KLF12: variants seen among roughly 807,000 people sequenced by gnomAD.
The protein encoded by KLF12 is Krueppel-like factor 12.
In KLF12, 9 loss-of-function variants were observed where a neutral mutation model predicts 37.8. The ratio of observed to expected loss-of-function variants is 0.24; its 90% confidence interval spans 0.14 to 0.42. The LOEUF (loss-of-function observed/expected upper bound fraction) is 0.42, where lower values mean the gene tolerates loss of function less well. Ranked by LOEUF, KLF12 falls within the 10% of genes least tolerant of loss-of-function variation. The pLI is 1.00. For missense variants in KLF12, 411 were observed against 516.0 expected (o/e 0.80, Z 1.97); for synonymous variants, 208 against 202.1 (o/e 1.03, Z -0.25).
At chr13:74,112,850 A>G (rs1280731932) in intron 1 of KLF12, among the ~76,000 whole-genome samples, 1 of 152,254 alleles carries the variant, frequency 6.6e-6, no homozygotes, top group East Asian at 1.9e-4. Flanking sequence ...GCAGGATGAA[A>G]GCAGACAGAC....
At chr13:73,881,357 G>A (rs751715043) in intron 3 of KLF12, among the ~76,000 whole-genome samples, 1 of 151,980 alleles carries the variant, frequency 6.6e-6, no homozygotes, top group Non-Finnish European at 1.5e-5. Flanking sequence ...CTTTAGCAAG[G>A]TATGTTTTTT....
At chr13:74,120,241 G>T (rs759481308) in intron 1 of KLF12, among the ~76,000 whole-genome samples, 1 of 152,204 alleles carries the variant, frequency 6.6e-6, no homozygotes, top group African/African-American at 2.4e-5. Context: ...CAGCACTTTG[G>T]GAGGCCAAGG....
intron 3 of KLF12, among the ~76,000 whole-genome samples, chr13:73,911,764 A>C (rs1032713697): frequency 6.6e-6 from 1 of 152,230 alleles, no homozygotes; most frequent in Middle Eastern, 3.2e-3. Context: ...AGTACAAACT[A>C]AAAGTTGCAT....
chr13:74,134,559 C>T (rs9543534), upstream of KLF12, among the ~76,000 whole-genome samples: 82,031 of 150,214 alleles, frequency 0.55, 27,477 homozygotes, highest in East Asian at 0.87. Context: ...CTGCCCCCGC[C>T]CTCCGGCCCC....
At chr13:74,254,157 T>C in the KLF12 span, among the ~76,000 whole-genome samples, 2 of 152,230 alleles carry the variant, frequency 1.3e-5, no homozygotes, top group Admixed American at 1.3e-4. Flanking sequence ...TTTTATTTAC[T>C]GAGTGGATTA....
the KLF12 span, among the ~76,000 whole-genome samples, chr13:74,237,549 T>G: frequency 6.8e-6 from 1 of 148,130 alleles, no homozygotes; most frequent in Middle Eastern, 3.2e-3. Context: ...GCCATTTTCA[T>G]GATATTGATT....
chr13:74,208,758 TG>T, the KLF12 span, among the ~76,000 whole-genome samples: 6 of 152,110 alleles, frequency 3.9e-5, no homozygotes, highest in Admixed American at 1.3e-4. Context: ...GAGGACTGTT[TG>T]AGGCCAGGAG....
At chr13:73,900,929 A>G (rs1158953147) in intron 3 of KLF12, among the ~76,000 whole-genome samples, 1 of 152,210 alleles carries the variant, frequency 6.6e-6, no homozygotes, top group African/African-American at 2.4e-5. Flanking sequence ...TAGTTTTAAA[A>G]CCAGAAGATA....
chr13:73,822,571 AAAT>A (rs1232641006), intron 4 of KLF12, among the ~76,000 whole-genome samples: 4 of 152,208 alleles, frequency 2.6e-5, no homozygotes, highest in African/African-American at 4.8e-5. Context: ...CTCTATTAAA[AAAT>A]AATAATAAAA....
At chr13:74,056,448 G>A (rs902902375) in intron 1 of KLF12, among the ~76,000 whole-genome samples, 1 of 152,176 alleles carries the variant, frequency 6.6e-6, no homozygotes, top group Non-Finnish European at 1.5e-5. Context: ...CATATGGTGT[G>A]TGATGAATAA....
At chr13:73,723,447 G>T (rs1236349370) in intron 6 of KLF12, among the ~76,000 whole-genome samples, 1 of 152,002 alleles carries the variant, frequency 6.6e-6, no homozygotes, top group Non-Finnish European at 1.5e-5. Flanking sequence ...AAATACCGGG[G>T]TTTAAATTAT....
chr13:73,993,864 C>T (rs1194608136), intron 2 of KLF12, among the ~76,000 whole-genome samples: 1 of 139,216 alleles, frequency 7.2e-6, no homozygotes, highest in Non-Finnish European at 1.6e-5. Flanking sequence ...CTCTCCTCTC[C>T]CCTCCTTCTC....
chr13:74,188,264 T>C, the KLF12 span, among the ~76,000 whole-genome samples: 1 of 152,286 alleles, frequency 6.6e-6, no homozygotes, highest in South Asian at 2.1e-4. Context: ...ATCGACTACC[T>C]ACTATACCCA....
the KLF12 span, among the ~76,000 whole-genome samples, chr13:74,238,158 G>T: frequency 7.6e-6 from 1 of 132,238 alleles, no homozygotes; most frequent in Non-Finnish European, 1.5e-5. Context: ...AAGGGTTGTT[G>T]AATTTTGTCA....
intron 4 of KLF12, among the ~76,000 whole-genome samples, chr13:73,829,945 C>T (rs1363740606): frequency 6.6e-6 from 1 of 152,102 alleles, no homozygotes; most frequent in Non-Finnish European, 1.5e-5. Context: ...TATATCAGAT[C>T]ACACAAAATT....
chr13:74,230,660 C>T, the KLF12 span, among the ~76,000 whole-genome samples: 14,679 of 152,198 alleles, frequency 0.096, 948 homozygotes, highest in South Asian at 0.2. Context: ...TGTCTCCTCA[C>T]GTACTCGGGA....
chr13:73,966,736 G>A (rs1038550297), intron 2 of KLF12, among the ~76,000 whole-genome samples: 5 of 152,104 alleles, frequency 3.3e-5, no homozygotes, highest in African/African-American at 1.2e-4. Flanking sequence ...CTTCTACCCA[G>A]CAACGAAACC....
At chr13:74,069,444 G>A (rs889808633) in intron 1 of KLF12, among the ~76,000 whole-genome samples, 4 of 152,152 alleles carry the variant, frequency 2.6e-5, no homozygotes, top group Admixed American at 1.3e-4. Context: ...GATGAGGTAC[G>A]AAGGCACATT....
chr13:74,219,338 T>G, the KLF12 span, among the ~76,000 whole-genome samples: 1 of 151,390 alleles, frequency 6.6e-6, no homozygotes, highest in Non-Finnish European at 1.5e-5. Flanking sequence ...TTTTTTCTAC[T>G]TATTGTAATT....
Sources: gnomAD v4.1 joint callset for allele counts (sites outside exome capture counted in the v4.1 genomes callset) on GRCh38, gnomAD v4.1.1 for gene constraint, MANE v1.5 for transcripts, NCBI Gene and HGNC (gene_info 2026-07-23, HGNC 2026-07-21) for gene names.